The following RNF216 variants were observed in gnomAD, a reference collection of about 807,000 sequenced individuals.
RNF216 encodes the protein E3 ubiquitin-protein ligase RNF216.
A neutral mutation model predicts 110.8 loss-of-function variants in RNF216; 72 were observed. The observed-to-expected ratio is 0.65, with a 90% CI of 0.54 to 0.79. The LOEUF (loss-of-function observed/expected upper bound fraction) is 0.79. Ranked by LOEUF, RNF216 falls within the 30% of genes least tolerant of loss-of-function variation. RNF216 has a pLI of 0.00. For missense variants in RNF216, 1,342 were observed against 1,141.2 expected (o/e 1.18, Z -2.54); for synonymous variants, 495 against 407.5 (o/e 1.21, Z -2.59).
chr7:5,716,812 A>T, intron 9 of RNF216, 46 bp from the exon 10 acceptor site: 1 of 1,429,156 alleles, frequency 7.0e-7, no homozygotes, highest in Non-Finnish European at 9.8e-7. Flanking sequence ...TTTAGTAAAA[A>T]TGACACTAAC....
At chr7:5,679,857 C>T (rs1441700177) in intron 13 of RNF216, among the ~76,000 whole-genome samples, 2 of 152,168 alleles carry the variant, frequency 1.3e-5, no homozygotes, top group Non-Finnish European at 1.5e-5. Flanking sequence ...GTCCCTCACC[C>T]GCCTTTCTGC....
intron 5 of RNF216, among the ~76,000 whole-genome samples, chr7:5,737,505 C>G (rs910814693): frequency 7.5e-6 from 1 of 132,616 alleles, no homozygotes; most frequent in Non-Finnish European, 1.6e-5. Context: ...GAGAAACAAC[C>G]AAGAATGATC....
intron 8 of RNF216, among the ~76,000 whole-genome samples, chr7:5,723,797 G>A (rs531158541): frequency 1.2e-4 from 18 of 152,110 alleles, no homozygotes; most frequent in South Asian, 6.2e-4. Context: ...GTGTTTAGAC[G>A]GAAAACAAAC....
rs571812232 is a variant in RNF216, at chr7:5,680,709, C to A, written c.2062-28199G>T. Reference sequence around the variant, plus strand: ...GAGCCACCGCGCCCAGCACTCAACACTTCTACTTGGATATCTAAAAGGCAC... The same window carrying A: ...GAGCCACCGCGCCCAGCACTCAACAATTCTACTTGGATATCTAAAAGGCAC... On this transcript the variant is annotated intron_variant, in intron 13 of 16. Transcript: ENST00000389902. The surrounding 1 kb of genome is among the most constrained non-coding windows in gnomAD (Gnocchi z 4.3). Among the ~76,000 whole-genome samples the A allele has an allele frequency of 9.2e-5, 14 of 152,134 alleles. No individual in the cohort carries two copies. Among genetic ancestry groups the A allele is most frequent in the African/African-American group, 3.4e-4 (14 of 41,504 alleles).
At chr7:5,728,039 C>G (rs894328105) in intron 7 of RNF216, among the ~76,000 whole-genome samples, 2 of 152,096 alleles carry the variant, frequency 1.3e-5, no homozygotes, top group African/African-American at 2.4e-5. Context: ...CTCACAGGCC[C>G]TTCTCAGCAC....
chr7:5,711,699 C>T, intron 13 of RNF216, 62 bp downstream of exon 13: 1 of 1,360,670 alleles, frequency 7.3e-7, no homozygotes, highest in East Asian at 2.4e-5. Context: ...ATATTTGGGC[C>T]ATGAGGGCAG....
chr7:5,704,256 T>A (rs1022192833), intron 13 of RNF216, among the ~76,000 whole-genome samples: 7 of 152,182 alleles, frequency 4.6e-5, no homozygotes, highest in African/African-American at 1.4e-4. Flanking sequence ...TATAAACGCC[T>A]CATTTCAGAG....
intron 3 of RNF216, 115 bp from the exon 4 acceptor site, chr7:5,741,930 T>G: frequency 9.9e-7 from 1 of 1,010,010 alleles, no homozygotes; most frequent in Non-Finnish European, 1.4e-6. Context: ...ACCATCTCCC[T>G]TAACAATACC....
intron 15 of RNF216, among the ~76,000 whole-genome samples, chr7:5,626,482 A>C (rs993399543): frequency 6.6e-6 from 1 of 151,928 alleles, no homozygotes; most frequent in Non-Finnish European, 1.5e-5. Flanking sequence ...GATCCAGAAA[A>C]CTGGTGGGAG....
At chr7:5,778,618 A>T (rs1796908704) in intron 1 of RNF216, among the ~76,000 whole-genome samples, 1 of 152,254 alleles carries the variant, frequency 6.6e-6, no homozygotes, top group South Asian at 2.1e-4. Context: ...CAGAATAAAT[A>T]GCACTCACTA....
At chr7:5,630,526 G>C (rs1787004375) in intron 15 of RNF216, among the ~76,000 whole-genome samples, 1 of 152,122 alleles carries the variant, frequency 6.6e-6, no homozygotes, top group Non-Finnish European at 1.5e-5. Context: ...CTACAGGTGT[G>C]TATCACCATG....
chr7:5,679,491 G>C (rs1055399581), intron 13 of RNF216, among the ~76,000 whole-genome samples: 1 of 152,248 alleles, frequency 6.6e-6, no homozygotes, highest in Non-Finnish European at 1.5e-5. Context: ...GAGTCTGGGG[G>C]AATGCGGTGA....
chr7:5,743,045 G>A (rs1434334058), intron 3 of RNF216, among the ~76,000 whole-genome samples: 2 of 152,078 alleles, frequency 1.3e-5, no homozygotes, highest in Non-Finnish European at 2.9e-5. Flanking sequence ...GGCGGATCAC[G>A]AGGTCAGGAG....
At chr7:5,625,627 C>T (rs1484410252) in intron 15 of RNF216, among the ~76,000 whole-genome samples, 1 of 152,182 alleles carries the variant, frequency 6.6e-6, no homozygotes, top group Non-Finnish European at 1.5e-5. Context: ...GTTTGTGAAC[C>T]GCAAGGATTC....
In RNF216 at chr7:5,622,983, G is replaced by A. The variant is rs758258914; in HGVS notation, c.2649C>T (p.Ile883=). 15 of 1,614,096 alleles carry A rather than the reference G, an allele frequency of 9.3e-6. No individual in the cohort carries two copies. The highest frequency in any genetic ancestry group is 1.3e-5 in the Non-Finnish European group (15 of 1,180,018). The change falls in exon 17 of 17, where the codon ATC becomes ATT. Residue 883 remains isoleucine, a synonymous_variant. Coordinates refer to ENST00000389902, the MANE Select transcript of RNF216 (RefSeq NM_207111.4). The part of the protein sequence containing the change: ...FNNFPLNMGP[I]PAPYVPPLPN... Reference sequence around the variant, plus strand: ...GCAGAGGGGGCACGTACGGGGCTGGGATAGGCCCCATGTTGAGTGGGAAGT... The same window carrying A: ...GCAGAGGGGGCACGTACGGGGCTGGAATAGGCCCCATGTTGAGTGGGAAGT...
chr7:5,661,100 C>T (rs1019903648), intron 13 of RNF216, among the ~76,000 whole-genome samples: 3 of 151,820 alleles, frequency 2.0e-5, no homozygotes, highest in African/African-American at 2.4e-5. Context: ...CCACCATGCC[C>T]GGCTAATTTT....
intron 12 of RNF216, among the ~76,000 whole-genome samples, chr7:5,712,215 C>T (rs1011940245): frequency 3.3e-5 from 5 of 152,162 alleles, no homozygotes; most frequent in African/African-American, 7.2e-5. Context: ...CGCGGTGGCT[C>T]ACGCCTGTAG....
Position 5,628,022 on chromosome 7 carries a change from C to T in RNF216, c.2383-3897G>A, listed in dbSNP as rs994553689. On this transcript the variant is annotated intron_variant, in intron 15 of 16. Coordinates refer to ENST00000389902, the MANE Select transcript of RNF216 (RefSeq NM_207111.4). ...AGCCCAGGTTTCTGATACAGATCGG[C>T]GGGGTCTGGAGGACACTGCAGATAG... 3.3e-5 allele frequency among the ~76,000 whole-genome samples: 5 copies of T among 152,304 alleles called. No individual in the cohort carries two copies. The South Asian group carries it at 6.2e-4, about 19-fold the overall frequency.
intron 13 of RNF216, among the ~76,000 whole-genome samples, chr7:5,656,996 G>C (rs180896340): frequency 4.1e-4 from 63 of 152,312 alleles, no homozygotes; most frequent in African/African-American, 1.4e-3. Context: ...CAAAGTCACC[G>C]GGTTCTGTGT....
Sources: allele counts gnomAD v4.1 joint callset (sites outside exome capture counted in the v4.1 genomes callset), GRCh38; gene constraint gnomAD v4.1.1; non-coding constraint Gnocchi (gnomAD v3.1); transcripts MANE v1.5; gene names NCBI Gene and HGNC (gene_info 2026-07-23, HGNC 2026-07-21).